CHLSN: variants seen among roughly 807,000 people sequenced by gnomAD.
The protein encoded by CHLSN is cholesin.
chr7:1,004,143 G>C, the CHLSN span, among the ~76,000 whole-genome samples: 6 of 152,066 alleles, frequency 3.9e-5, no homozygotes, highest in African/African-American at 1.5e-4. Flanking sequence ...TTTAATTTTA[G>C]TTCCTTTCTT....
the CHLSN span, chr7:1,058,457 G>A: frequency 3.8e-6 from 3 of 780,520 alleles, no homozygotes; most frequent in African/African-American, 5.1e-5. Context: ...TGAAAAAGCT[G>A]CCCTGCGGGG....
chr7:993,813 G>A, the CHLSN span, among the ~76,000 whole-genome samples: 1 of 152,164 alleles, frequency 6.6e-6, no homozygotes, highest in Non-Finnish European at 1.5e-5. Flanking sequence ...TTGGAGGGAG[G>A]ACAGTGCTCT....
chr7:1,125,492 C>T, the CHLSN span, among the ~76,000 whole-genome samples: 1 of 152,214 alleles, frequency 6.6e-6, no homozygotes, highest in Non-Finnish European at 1.5e-5. Flanking sequence ...AGCACCGGGC[C>T]CCTGCACAAC....
At chr7:1,114,909 C>G in the CHLSN span, among the ~76,000 whole-genome samples, 1 of 152,212 alleles carries the variant, frequency 6.6e-6, no homozygotes, top group East Asian at 1.9e-4. Context: ...CAGGGTTGGA[C>G]GTGGGTGGGA....
chr7:1,010,031 C>T, the CHLSN span: 24 of 1,609,060 alleles, frequency 1.5e-5, no homozygotes, highest in African/African-American at 1.2e-4. Flanking sequence ...CTCCCGCAGA[C>T]GCTGCCTCTC....
chr7:980,753 T>C, the CHLSN span, among the ~76,000 whole-genome samples: 8 of 147,008 alleles, frequency 5.4e-5, no homozygotes, highest in Non-Finnish European at 1.0e-4. Flanking sequence ...AGTGGTGCCA[T>C]CTCAGCTCAC....
chr7:1,118,083 C>A, the CHLSN span, among the ~76,000 whole-genome samples: 1 of 152,164 alleles, frequency 6.6e-6, no homozygotes, highest in Non-Finnish European at 1.5e-5. Context: ...TCAACTGAGA[C>A]CAAAACAAGA....
At chr7:1,099,858 G>A in the CHLSN span, among the ~76,000 whole-genome samples, 1 of 152,236 alleles carries the variant, frequency 6.6e-6, no homozygotes, top group African/African-American at 2.4e-5. Flanking sequence ...ACAAGGGTAC[G>A]TCATTCAGGC....
At chr7:1,046,216 T>C in the CHLSN span, among the ~76,000 whole-genome samples, 2 of 148,772 alleles carry the variant, frequency 1.3e-5, no homozygotes, top group African/African-American at 5.2e-5. Flanking sequence ...GCTGCAGCTC[T>C]CACAGCCCCT....
At chr7:1,136,391 T>TATATATAAATATATATAAAC in the CHLSN span, among the ~76,000 whole-genome samples, 237 of 28,704 alleles carry the variant, frequency 8.3e-3, 20 homozygotes, top group African/African-American at 0.063. Flanking sequence ...TATATAAACA[T>TATATATAAATATATATAAAC]ATATATAAAT....
the CHLSN span, chr7:987,516 C>A: frequency 6.5e-7 from 1 of 1,528,242 alleles, no homozygotes. Flanking sequence ...AGCTGGGCGG[C>A]TTCCTGCTCC....
chr7:1,016,120 CACACA>C, the CHLSN span, among the ~76,000 whole-genome samples: 1 of 103,490 alleles, frequency 9.7e-6, no homozygotes, highest in Non-Finnish European at 1.9e-5. Flanking sequence ...CGCACAGCAG[CACACA>C]GCAGCACACG....
chr7:986,484 C>T, the CHLSN span: 2 of 948,026 alleles, frequency 2.1e-6, no homozygotes, highest in Non-Finnish European at 3.2e-6. Context: ...GGCTAAGGGT[C>T]CCCCCGTTCT....
chr7:1,129,515 G>A, the CHLSN span, among the ~76,000 whole-genome samples: 49 of 140,324 alleles, frequency 3.5e-4, 3 homozygotes, highest in African/African-American at 1.4e-3. Context: ...GCACAATCTC[G>A]GCTCACTGCG....
At chr7:1,046,318 T>C in the CHLSN span, among the ~76,000 whole-genome samples, 1 of 152,172 alleles carries the variant, frequency 6.6e-6, no homozygotes, top group Admixed American at 6.5e-5. Flanking sequence ...AAGGAAATTA[T>C]CACCCAGAGA....
chr7:1,100,265 C>A, the CHLSN span, among the ~76,000 whole-genome samples: 1 of 152,250 alleles, frequency 6.6e-6, no homozygotes, highest in Non-Finnish European at 1.5e-5. Flanking sequence ...TCTTCTCAGG[C>A]CTCCTGAAGC....
chr7:1,118,857 T>A, the CHLSN span, among the ~76,000 whole-genome samples: 6 of 150,842 alleles, frequency 4.0e-5, no homozygotes, highest in Admixed American at 6.6e-5. Context: ...TAAAGCATAT[T>A]TTTTTTTAAA....
chr7:1,040,191 A>T, the CHLSN span, among the ~76,000 whole-genome samples: 2 of 114,790 alleles, frequency 1.7e-5, no homozygotes, highest in East Asian at 5.2e-4. Context: ...TTTAAAAAAA[A>T]AAAAAAAAAA....
At chr7:978,287 G>A in the CHLSN span, among the ~76,000 whole-genome samples, 8 of 152,214 alleles carry the variant, frequency 5.3e-5, no homozygotes, top group African/African-American at 1.9e-4. Context: ...GGAAGCCGAG[G>A]TGGGCGGACC....
Sources: allele counts gnomAD v4.1 joint callset (sites outside exome capture counted in the v4.1 genomes callset), GRCh38; gene constraint gnomAD v4.1.1; transcripts MANE v1.5; gene names NCBI Gene and HGNC (gene_info 2026-07-23, HGNC 2026-07-21).